The following RGS7 variants were observed in gnomAD, a reference collection of about 807,000 sequenced individuals.
RGS7 encodes the protein regulator of G protein signaling 7.
A neutral mutation model predicts 81.1 loss-of-function variants in RGS7; 27 were observed. That is an observed-to-expected ratio of 0.33 (90% confidence interval 0.25 to 0.46). RGS7 has a LOEUF of 0.46. Ranked by LOEUF, RGS7 falls within the 20% of genes least tolerant of loss-of-function variation. The pLI is 1.00. For missense variants in RGS7, 396 were observed against 607.4 expected (o/e 0.65, Z 3.66); for synonymous variants, 208 against 207.7 (o/e 1.00, Z -0.01).
chr1:240,975,512 G>C (rs973958783), intron 4 of RGS7, among the ~76,000 whole-genome samples: 1 of 152,124 alleles, frequency 6.6e-6, no homozygotes, highest in Non-Finnish European at 1.5e-5. Context: ...ATTAGATTGA[G>C]GGTCTTAAAG....
chr1:241,225,439 G>C (rs975401910), intron 2 of RGS7, among the ~76,000 whole-genome samples: 6 of 152,080 alleles, frequency 3.9e-5, no homozygotes, highest in African/African-American at 1.4e-4. Context: ...TCAATACTTA[G>C]CTTTTTCTCT....
chr1:240,808,555 T>C (rs1391047358), intron 14 of RGS7, among the ~76,000 whole-genome samples: 1 of 152,202 alleles, frequency 6.6e-6, no homozygotes, highest in East Asian at 1.9e-4. Flanking sequence ...GAAGATTAAG[T>C]TGCTTATTTA....
At chr1:241,315,141 C>A (rs1573636031) in intron 2 of RGS7, among the ~76,000 whole-genome samples, 1 of 65,914 alleles carries the variant, frequency 1.5e-5, no homozygotes, top group Non-Finnish European at 2.7e-5. Flanking sequence ...TTTTGAGATG[C>A]AGAAAATGGC....
At chr1:241,312,000 G>T (rs192514120) in intron 2 of RGS7, among the ~76,000 whole-genome samples, 2 of 152,322 alleles carry the variant, frequency 1.3e-5, no homozygotes, top group East Asian at 1.9e-4. Flanking sequence ...CTTCAGACAT[G>T]AATTTCATCA....
intron 2 of RGS7, among the ~76,000 whole-genome samples, chr1:241,301,329 T>C (rs957873404): frequency 1.3e-5 from 2 of 152,242 alleles, no homozygotes; most frequent in Non-Finnish European, 2.9e-5. Flanking sequence ...ACTACATATA[T>C]GTAAAAGCAT....
intron 2 of RGS7, among the ~76,000 whole-genome samples, chr1:241,327,129 A>G (rs866931619): frequency 1.9e-5 from 2 of 104,600 alleles, no homozygotes; most frequent in Non-Finnish European, 4.4e-5. Flanking sequence ...AAAGAAAGAA[A>G]GAAAGAAAGA....
At chr1:240,909,677 T>C (rs1360979239) in intron 6 of RGS7, among the ~76,000 whole-genome samples, 1 of 152,208 alleles carries the variant, frequency 6.6e-6, no homozygotes, top group Non-Finnish European at 1.5e-5. Context: ...AATAGATCTA[T>C]ATAGTCAGCT....
intron 6 of RGS7, among the ~76,000 whole-genome samples, chr1:240,895,737 G>A (rs7523687): frequency 0.023 from 3,504 of 152,150 alleles, 148 homozygotes; most frequent in African/African-American, 0.081. Flanking sequence ...GAATAGTGCC[G>A]CAATAAACGT....
intron 15 of RGS7, among the ~76,000 whole-genome samples, chr1:240,805,295 G>A (rs1688665468): frequency 6.6e-6 from 1 of 152,078 alleles, no homozygotes; most frequent in Non-Finnish European, 1.5e-5. Context: ...GAGGTAGGAG[G>A]ATTGCTTAAG....
intron 2 of RGS7, among the ~76,000 whole-genome samples, chr1:241,240,762 CAT>C (rs2076223143): frequency 1.3e-5 from 2 of 152,118 alleles, no homozygotes; most frequent in Admixed American, 1.3e-4. Flanking sequence ...TGTTTTATGA[CAT>C]ATAGTTTTAA....
At chr1:241,202,011 GAC>G (rs60399497) in intron 2 of RGS7, among the ~76,000 whole-genome samples, 1,497 of 144,996 alleles carry the variant, frequency 0.01, 12 homozygotes, top group East Asian at 0.027. Flanking sequence ...GACACACACA[GAC>G]ACACACACAC....
intron 2 of RGS7, among the ~76,000 whole-genome samples, chr1:241,145,220 G>T (rs2068226838): frequency 6.6e-6 from 1 of 151,950 alleles, no homozygotes; most frequent in African/African-American, 2.4e-5. Context: ...GTTTCACCAT[G>T]TTGGCCAGGC....
At chr1:240,903,490 A>G (rs1056282139) in intron 6 of RGS7, among the ~76,000 whole-genome samples, 1 of 152,044 alleles carries the variant, frequency 6.6e-6, no homozygotes. Flanking sequence ...TAATATATTT[A>G]TATCAATGAT....
intron 2 of RGS7, among the ~76,000 whole-genome samples, chr1:241,132,497 G>A (rs1189423161): frequency 6.6e-6 from 1 of 152,108 alleles, no homozygotes; most frequent in Non-Finnish European, 1.5e-5. Context: ...TGGCAAAGAG[G>A]AATGCTTCCA....
rs141525412 is a variant in RGS7 at position 241,024,049 on chromosome 1, G to A, written c.176-40920C>T. Among the ~76,000 whole-genome samples, 619 of 152,290 alleles carry A rather than the reference G, an allele frequency of 4.1e-3. 5 individuals carry two copies. Among genetic ancestry groups the A allele is most frequent in the African/African-American group, 0.014 (597 of 41,556 alleles). The stretch of plus-strand genomic sequence containing the variant: ...ATTACAGGCATGAGCCAACACATCC[G>A]GCTGACAATGCTTTTTAATAACTGT... On this transcript the variant is annotated intron_variant, in intron 3 of 18. Coordinates refer to ENST00000440928, the MANE Select transcript of RGS7 (RefSeq NM_001364886.1).
intron 2 of RGS7, among the ~76,000 whole-genome samples, chr1:241,233,550 C>A (rs2075775880): frequency 6.6e-6 from 1 of 152,194 alleles, no homozygotes; most frequent in African/African-American, 2.4e-5. Context: ...ATCCAAGTTG[C>A]TGCAAAGGAC....
intron 2 of RGS7, among the ~76,000 whole-genome samples, chr1:241,264,219 C>A (rs2077474446): frequency 6.6e-6 from 1 of 152,102 alleles, no homozygotes; most frequent in African/African-American, 2.4e-5. Flanking sequence ...GACATTAGGC[C>A]AGGCGCAGTG....
chr1:241,231,081 C>T (rs888575143), intron 2 of RGS7, among the ~76,000 whole-genome samples: 1 of 152,176 alleles, frequency 6.6e-6, no homozygotes, highest in South Asian at 2.1e-4. Flanking sequence ...TCCTTTTCTT[C>T]AGGCCAAAAT....
chr1:240,871,466 G>A (rs1664479276), intron 6 of RGS7, among the ~76,000 whole-genome samples: 1 of 152,192 alleles, frequency 6.6e-6, no homozygotes, highest in Non-Finnish European at 1.5e-5. Context: ...AGACGAAGGA[G>A]AGAGCCAACC....
Sources: gnomAD v4.1 joint callset for allele counts (sites outside exome capture counted in the v4.1 genomes callset) on GRCh38, gnomAD v4.1.1 for gene constraint, MANE v1.5 for transcripts, NCBI Gene and HGNC (gene_info 2026-07-23, HGNC 2026-07-21) for gene names.